Variants in PNMA6E observed in about 807,000 individuals in gnomAD.
PNMA6E encodes paraneoplastic antigen Ma6E.
For missense variants in PNMA6E, 78 were observed against 50.8 expected (o/e 1.53, Z -1.63); for synonymous variants, 43 against 17.1 (o/e 2.52, Z -3.74).
At chrX:153,412,093 C>A in the PNMA6E span, among the ~76,000 whole-genome samples, 1 of 112,862 alleles carries the variant, frequency 8.9e-6, no homozygotes, top group African/African-American at 3.2e-5. Context: ...GCTGCCCAGG[C>A]ACCGGCCCTG....
the PNMA6E span, among the ~76,000 whole-genome samples, chrX:153,413,424 T>TAGGCTAAGG: frequency 9.3e-6 from 1 of 107,364 alleles, no homozygotes; most frequent in Non-Finnish European, 1.9e-5. Flanking sequence ...GTTCCACCCA[T>TAGGCTAAGG]AGGCTAAGGT....
the PNMA6E span, among the ~76,000 whole-genome samples, chrX:153,410,828 TA>T: frequency 8.9e-6 from 1 of 112,428 alleles, no homozygotes; most frequent in Admixed American, 9.3e-5. Flanking sequence ...TACGCTTCAC[TA>T]TTTGTCAAAG....
the PNMA6E span, among the ~76,000 whole-genome samples, chrX:153,412,872 C>T: frequency 8.9e-6 from 1 of 112,269 alleles, no homozygotes; most frequent in Admixed American, 9.3e-5. Context: ...AGCGAGCAGC[C>T]TGGGTGGCCC....
chrX:153,407,165 C>G, the PNMA6E span, among the ~76,000 whole-genome samples: 1 of 112,892 alleles, frequency 8.9e-6, no homozygotes, highest in African/African-American at 3.2e-5. Flanking sequence ...AGGCCAGGCA[C>G]AGCCACGCTC....
chrX:153,402,747 T>C (rs532929075), upstream of PNMA6E, among the ~76,000 whole-genome samples: 1 of 99,744 alleles, frequency 1.0e-5, no homozygotes, highest in South Asian at 4.6e-4. Context: ...AGCTTTCATG[T>C]ATCTCGAAAC....
upstream of PNMA6E, among the ~76,000 whole-genome samples, chrX:153,402,477 C>T (rs2088858285): frequency 9.0e-6 from 1 of 111,445 alleles, no homozygotes; most frequent in Admixed American, 9.6e-5. Context: ...TTACTGCCCC[C>T]TGCACCCCGT....
upstream of PNMA6E, among the ~76,000 whole-genome samples, chrX:153,403,657 A>G (rs1556971742): frequency 9.0e-6 from 1 of 111,443 alleles, no homozygotes; most frequent in African/African-American, 3.3e-5. Context: ...AAAAAATGTT[A>G]GGTGGCTGGG....
chrX:153,411,434 A>T, the PNMA6E span, among the ~76,000 whole-genome samples: 1 of 109,345 alleles, frequency 9.1e-6, no homozygotes, highest in African/African-American at 3.3e-5. Flanking sequence ...CCCCCCCCAC[A>T]ACGCGCCCCG....
upstream of PNMA6E, among the ~76,000 whole-genome samples, chrX:153,406,053 C>G (rs2088875682): frequency 9.0e-6 from 1 of 111,670 alleles, no homozygotes; most frequent in Non-Finnish European, 1.9e-5. Flanking sequence ...AATATGAAGC[C>G]TCTAAATATT....
chrX:153,404,846 G>A (rs1042162620), upstream of PNMA6E, among the ~76,000 whole-genome samples: 16 of 112,105 alleles, frequency 1.4e-4, no homozygotes, highest in South Asian at 1.1e-3. Flanking sequence ...CACCCAGCAC[G>A]GTGTCCTCTG....
upstream of PNMA6E, among the ~76,000 whole-genome samples, chrX:153,404,423 T>C (rs1241736849): frequency 9.0e-6 from 1 of 111,693 alleles, no homozygotes; most frequent in Non-Finnish European, 1.9e-5. Context: ...CTGTCCATAA[T>C]GAGTTCTAGT....
In PNMA6E at chrX:153,397,526, C is replaced by T. The variant is rs781926255; in HGVS notation, c.1324G>A (p.Val442Ile). Residue 442 changes from valine (V) to isoleucine (I), a missense_variant, in exon 2 of 2, where the codon GTC becomes ATC. By Grantham distance (29) the Val-to-Ile change is conservative. Coordinates refer to ENST00000445091, the MANE Select transcript of PNMA6E (RefSeq NM_001367770.1). ...AGGTAATTGGCCAAGGCTGGGCAGA[C>T]GGCCCCCTTCTCCACAGCCCTCTGC... ...LLQRAVEKGA[V>I]CPALANYLRL... is the part of the protein sequence containing the mutation. The T allele has an allele frequency of 3.4e-5, 10 of 297,564 alleles. No individual in the cohort carries two copies. The highest frequency in any genetic ancestry group is 1.4e-4 in the African/African-American group (5 of 36,888). 24.5% of individuals were successfully genotyped at this position (297,564 alleles called of 1,213,427 possible).
At chrX:153,409,998 G>A in the PNMA6E span, among the ~76,000 whole-genome samples, 894 of 112,183 alleles carry the variant, frequency 8.0e-3, 8 homozygotes, top group African/African-American at 0.027. Flanking sequence ...CTGGGCTGCC[G>A]CAGCAAATGA....
the PNMA6E span, among the ~76,000 whole-genome samples, chrX:153,410,543 C>T: frequency 1.8e-5 from 2 of 112,394 alleles, no homozygotes; most frequent in African/African-American, 6.5e-5. Flanking sequence ...GGGCCCTGCT[C>T]CCTGCAACCG....
intron 1 of PNMA6E, among the ~76,000 whole-genome samples, chrX:153,400,882 C>G (rs1203175483): frequency 9.3e-6 from 1 of 107,230 alleles, no homozygotes. Flanking sequence ...CCCCTCACCC[C>G]AGCACTGGGC....
At chrX:153,402,345 T>A (rs782665555), upstream of PNMA6E, among the ~76,000 whole-genome samples, 1 of 111,705 alleles carries the variant, frequency 9.0e-6, no homozygotes, top group Non-Finnish European at 1.9e-5. Context: ...GCAATAACAT[T>A]TTGCATTGTT....
At chrX:153,410,078 G>A in the PNMA6E span, among the ~76,000 whole-genome samples, 49 of 111,476 alleles carry the variant, frequency 4.4e-4, no homozygotes, top group African/African-American at 1.6e-3. Context: ...TCCAGAATCG[G>A]GCGCTTCCTC....
At position 153,396,901 on chromosome X, in the gene PNMA6E, G is replaced by A; in HGVS notation, c.*5C>T. 1 of 297,879 alleles carries A rather than the reference G, an allele frequency of 3.4e-6. No homozygotes were observed. The highest frequency in any genetic ancestry group is 5.9e-6 in the Non-Finnish European group (1 of 170,331). 24.5% of individuals were successfully genotyped at this position (297,879 alleles called of 1,213,427 possible). A position where few individuals can be genotyped will look rare whatever the true frequency, so the allele number is the denominator to read the frequency against. On this transcript the variant is annotated 3_prime_UTR_variant, in exon 2 of 2. Transcript: ENST00000445091. ...GAGGAGAGGAGGCCCCGGGGCCCTA[G>A]GAGCCTATTTGCCCTGGGAGGACTT...
At chrX:153,403,108 C>T (rs2124276348), upstream of PNMA6E, among the ~76,000 whole-genome samples, 1 of 112,228 alleles carries the variant, frequency 8.9e-6, no homozygotes, top group South Asian at 3.7e-4. Context: ...GTCATTATTT[C>T]TTCGAGTAGT....
Sources: allele counts gnomAD v4.1 joint callset (sites outside exome capture counted in the v4.1 genomes callset), GRCh38; gene constraint gnomAD v4.1.1; transcripts MANE v1.5; gene names NCBI Gene and HGNC (gene_info 2026-07-23, HGNC 2026-07-21).